ANGPT2: variants seen among roughly 807,000 people sequenced by gnomAD.
ANGPT2 encodes angiopoietin-2.
In ANGPT2, 28 loss-of-function variants were observed where a neutral mutation model predicts 62.9. That is an observed-to-expected ratio of 0.44 (90% CI 0.33 to 0.61). The LOEUF is 0.61. Ranked by LOEUF, ANGPT2 falls within the 20% of genes least tolerant of loss-of-function variation. The pLI is 0.03. For missense variants in ANGPT2, 727 were observed against 594.9 expected (o/e 1.22, Z -2.31); for synonymous variants, 284 against 207.8 (o/e 1.37, Z -3.15).
chr8:6,537,467 G>C (rs1184964080), intron 1 of ANGPT2, among the ~76,000 whole-genome samples: 1 of 151,874 alleles, frequency 6.6e-6, no homozygotes, highest in Non-Finnish European at 1.5e-5. Flanking sequence ...TGCTAAAAGA[G>C]TTGCGCCCCA....
rs938456518 is a variant in ANGPT2, at chr8:6,504,472, T to G, written c.1328-1211A>C. Among the ~76,000 whole-genome samples, 7 of 152,278 alleles carry G rather than the reference T, an allele frequency of 4.6e-5. No individual in the cohort carries two copies. The South Asian group carries it at 1.5e-3, about 32-fold the overall frequency. On this transcript the variant is annotated intron_variant, in intron 8 of 8. Coordinates refer to ENST00000629816, the MANE Select transcript of ANGPT2 (RefSeq NM_001118887.2). ...ACGCTGTCTACATCCGGTCTCCTGATCACTTAGTAGCTGTCTTGGTTATTA... is the reference window on the plus strand; with the variant it reads ...ACGCTGTCTACATCCGGTCTCCTGAGCACTTAGTAGCTGTCTTGGTTATTA...
chr8:6,527,771 CAT>C lies in ANGPT2; in HGVS notation c.445-97_445-96del, dbSNP rs1039995953. On this transcript the variant is annotated intron_variant, in intron 2 of 8. Transcript: ENST00000629816. The stretch of plus-strand genomic sequence containing the variant: ...TTAAAGTACCCAAGCTACAGGAAAA[CAT>C]AACAAAAACATTATTTATTAACCCA... The C allele has an allele frequency of 1.8e-4, 216 of 1,181,672 alleles. 1 individual carries two copies. Among genetic ancestry groups the C allele is most frequent in the Admixed American group, 2.8e-4 (10 of 36,214 alleles). The allele number at this position is 1,181,672 out of a possible 1,614,324, so 73.2% of individuals were successfully genotyped here.
chr8:6,504,586 T>C (rs1211902655), intron 8 of ANGPT2, among the ~76,000 whole-genome samples: 1 of 152,168 alleles, frequency 6.6e-6, no homozygotes, highest in African/African-American at 2.4e-5. Flanking sequence ...GTGATGATGC[T>C]GGCAATTCAG....
intron 5 of ANGPT2, among the ~76,000 whole-genome samples, chr8:6,519,350 A>G (rs1055232414): frequency 1.3e-5 from 2 of 152,172 alleles, no homozygotes; most frequent in Non-Finnish European, 2.9e-5. Context: ...AACTGCCACC[A>G]TCCCCGTGTG....
At chr8:6,520,066 C>T (rs1817024498) in intron 4 of ANGPT2, 75 bp from the exon 5 acceptor site, 6 of 1,545,870 alleles carry the variant, frequency 3.9e-6, no homozygotes, top group South Asian at 2.4e-5. Flanking sequence ...AAGAGCCAAT[C>T]ATTTGGTGAG....
intron 3 of ANGPT2, among the ~76,000 whole-genome samples, chr8:6,524,839 G>T (rs1161219149): frequency 6.6e-6 from 1 of 152,192 alleles, no homozygotes; most frequent in African/African-American, 2.4e-5. Flanking sequence ...AAGAGAAAAT[G>T]GAGACCCTGA....
In ANGPT2 at chr8:6,562,944, A is replaced by G. The variant is rs1586642838; in HGVS notation, c.-10T>C. On this transcript the variant is annotated 5_prime_UTR_variant, in exon 1 of 9. Transcript: ENST00000629816. ...AAACAATCTGCCACATTCTTTCTTC[A>G]GTAATAAACCAGCAGCTTAGCAAAC... 6.3e-7 allele frequency: 1 copy of G among 1,575,518 alleles called. No individual in the cohort carries two copies. The highest frequency in any genetic ancestry group is 1.7e-5 in the Admixed American group (1 of 58,834).
intron 4 of ANGPT2, 145 bp from the exon 5 acceptor site, chr8:6,520,136 AG>A (rs1817036583): frequency 1.1e-6 from 1 of 889,650 alleles, no homozygotes; most frequent in South Asian, 2.4e-5. Flanking sequence ...TAACCTTTCT[AG>A]AAAGTTTCCT....
At chr8:6,552,818 T>C (rs1163214156) in intron 1 of ANGPT2, among the ~76,000 whole-genome samples, 1 of 151,808 alleles carries the variant, frequency 6.6e-6, no homozygotes, top group Admixed American at 6.6e-5. Context: ...ATTCCTGCTT[T>C]TTTTTTTTTA....
At chr8:6,542,482 G>C (rs778313417) in intron 1 of ANGPT2, among the ~76,000 whole-genome samples, 1 of 152,036 alleles carries the variant, frequency 6.6e-6, no homozygotes, top group Admixed American at 6.6e-5. Flanking sequence ...CACTGTAAGA[G>C]GGACGCTAGC....
intron 1 of ANGPT2, 108 bp from the exon 2 acceptor site, chr8:6,532,595 T>A: frequency 1.1e-5 from 8 of 727,336 alleles, no homozygotes; most frequent in Non-Finnish European, 1.6e-5. Flanking sequence ...AAAAAAAATC[T>A]ATCAAAAGAC....
chr8:6,553,661 CA>C (rs1281801045), intron 1 of ANGPT2, among the ~76,000 whole-genome samples: 1 of 144,864 alleles, frequency 6.9e-6, no homozygotes, highest in African/African-American at 2.9e-5. Context: ...GAAATGGTCT[CA>C]AAATTTTTTT....
rs150041509 is a variant in ANGPT2 at position 6,546,699 on chromosome 8, T to G, written c.289-14212A>C. ...AAATAGTGAATCACTAAGGGTCCCATGAGCTGAGAAAGTTTGAGAACAACT... is the reference window on the plus strand; with the variant it reads ...AAATAGTGAATCACTAAGGGTCCCAGGAGCTGAGAAAGTTTGAGAACAACT... On this transcript the variant is annotated intron_variant, in intron 1 of 8. Coordinates refer to ENST00000629816, the MANE Select transcript of ANGPT2 (RefSeq NM_001118887.2). 2.0e-4 allele frequency among the ~76,000 whole-genome samples: 31 copies of G among 152,302 alleles called. No homozygotes were observed. In the East Asian group the frequency reaches 5.6e-3, roughly 27 times the overall value.
intron 3 of ANGPT2, among the ~76,000 whole-genome samples, chr8:6,524,973 C>T (rs1005238456): frequency 3.3e-5 from 5 of 152,228 alleles, no homozygotes; most frequent in African/African-American, 7.2e-5. Flanking sequence ...ACCTCAGGTG[C>T]ATGTCTGTCT....
At chr8:6,539,469 G>A (rs900264949) in intron 1 of ANGPT2, among the ~76,000 whole-genome samples, 4 of 152,158 alleles carry the variant, frequency 2.6e-5, no homozygotes, top group Admixed American at 6.5e-5. Flanking sequence ...CTCTTAGGGA[G>A]CACACTTGCC....
At chr8:6,538,607 C>T (rs1476914266) in intron 1 of ANGPT2, among the ~76,000 whole-genome samples, 1 of 152,222 alleles carries the variant, frequency 6.6e-6, no homozygotes, top group Non-Finnish European at 1.5e-5. Flanking sequence ...TTTGTATCTC[C>T]TCCTTGAGTC....
rs1817311206 is a variant in ANGPT2 at position 6,521,421 on chromosome 8, A to G, written c.567-11T>C. ...TTCTTTTCTAGGAAACTTGTAAGGA[A>G]AAGAATTGTTAGTTAGTGAAGGCTA... On this transcript the variant is annotated splice_polypyrimidine_tract_variant and intron_variant, in intron 3 of 8. Transcript: ENST00000629816. 5.0e-6 allele frequency: 8 copies of G among 1,586,872 alleles called. No homozygotes were observed. Among genetic ancestry groups the G allele is most frequent in the African/African-American group, 2.7e-5 (2 of 73,830 alleles).
intron 1 of ANGPT2, among the ~76,000 whole-genome samples, chr8:6,549,157 T>A (rs1217642177): frequency 2.6e-5 from 4 of 152,222 alleles, no homozygotes; most frequent in Non-Finnish European, 4.4e-5. Flanking sequence ...AGAAAAATGA[T>A]ACATGGGTTT....
At chr8:6,539,996 C>T (rs75018728) in intron 1 of ANGPT2, among the ~76,000 whole-genome samples, 1,947 of 152,240 alleles carry the variant, frequency 0.013, 30 homozygotes, top group African/African-American at 0.039. Flanking sequence ...CTATATAACT[C>T]CAAGATGTAT....
Sources: allele counts gnomAD v4.1 joint callset (sites outside exome capture counted in the v4.1 genomes callset), GRCh38; gene constraint gnomAD v4.1.1; transcripts MANE v1.5; gene names NCBI Gene and HGNC (gene_info 2026-07-23, HGNC 2026-07-21).